AFAP1L1: variants seen among roughly 807,000 people sequenced by gnomAD.
AFAP1L1 encodes the protein actin filament-associated protein 1-like 1.
A neutral mutation model predicts 99.8 loss-of-function variants in AFAP1L1; 77 were observed. That is an observed-to-expected ratio of 0.77 (90% CI 0.64 to 0.93). AFAP1L1 has a LOEUF of 0.93. AFAP1L1 is among the 40% of genes least tolerant of loss of function. AFAP1L1 has a pLI of 0.00. For missense variants in AFAP1L1, 893 were observed against 996.8 expected, an observed-to-expected ratio of 0.90 and a Z score of 1.40; for synonymous variants, 373 against 395.3, an observed-to-expected ratio of 0.94 and a Z score of 0.67.
Position 149,271,993 on chromosome 5 carries a change from G to T in AFAP1L1, c.16+9G>T. 8.1e-7 allele frequency: 1 copy of T among 1,239,160 alleles called. No homozygotes were observed. 76.8% of individuals were successfully genotyped at this position (1,239,160 alleles called of 1,614,324 possible). ...CATGGACCGAGGCCAGGGTAAGAGGGGCCGCGACGCCCGCACTTGTTGCGG... is the reference window on the plus strand; with the variant it reads ...CATGGACCGAGGCCAGGGTAAGAGGTGCCGCGACGCCCGCACTTGTTGCGG... On this transcript the variant is annotated intron_variant, in intron 1 of 18. Transcript: ENST00000296721.
intron 1 of AFAP1L1, among the ~76,000 whole-genome samples, chr5:149,283,180 T>A (rs553181879): frequency 6.6e-6 from 1 of 152,348 alleles, no homozygotes; most frequent in Admixed American, 6.5e-5. Flanking sequence ...CCCGTTTGGC[T>A]TTCCACATGT....
At position 149,340,392 on chromosome 5, in the gene AFAP1L1, G is replaced by A. The variant is rs777304467; in HGVS notation, c.*362G>A. On this transcript the variant is annotated 3_prime_UTR_variant, in exon 19 of 19. Coordinates refer to ENST00000296721, the MANE Select transcript of AFAP1L1 (RefSeq NM_152406.4). ...CCCCTTCCATCCCATTCACAGCATC[G>A]CACTCCCAGTCCTTAAGGCAAAGGG... is the stretch of plus-strand genomic sequence containing the variant. 3 of 208,838 alleles carry A rather than the reference G, an allele frequency of 1.4e-5. No individual in the cohort carries two copies. The highest frequency in any genetic ancestry group is 9.8e-5 in the East Asian group (1 of 10,190). The allele number at this position is 208,838 out of a possible 1,614,324, so 12.9% of individuals were successfully genotyped here. A position where few individuals can be genotyped will look rare whatever the true frequency, so the allele number is the denominator to read the frequency against.
At chr5:149,300,834 T>A (rs928108504) in intron 3 of AFAP1L1, among the ~76,000 whole-genome samples, 5 of 152,208 alleles carry the variant, frequency 3.3e-5, no homozygotes, top group African/African-American at 9.6e-5. Context: ...TGGGGACTCA[T>A]AGACTTAGGG....
rs989716578 is a variant in AFAP1L1, at chr5:149,316,071, G to C, written c.1115-80G>C. ...GAGCTGCAGGCCCATCCTGTATGCA[G>C]GCTGAAAAGGCCACAAGGAAGACTA... On this transcript the variant is annotated intron_variant, in intron 10 of 18. Coordinates refer to ENST00000296721, the MANE Select transcript of AFAP1L1 (RefSeq NM_152406.4). 11 of 1,588,132 alleles carry C rather than the reference G, an allele frequency of 6.9e-6. No homozygotes were observed. The Admixed American group carries it at 1.5e-4, about 22-fold the overall frequency.
intron 8 of AFAP1L1, among the ~76,000 whole-genome samples, chr5:149,310,591 ATGAGCACT>A (rs1225068366): frequency 6.6e-6 from 1 of 152,226 alleles, no homozygotes; most frequent in Non-Finnish European, 1.5e-5. Context: ...TCACCACAAA[ATGAGCACT>A]TACTTTGTAC....
chr5:149,281,260 T>C (rs920223646), intron 1 of AFAP1L1, among the ~76,000 whole-genome samples: 1 of 152,192 alleles, frequency 6.6e-6, no homozygotes, highest in Admixed American at 6.5e-5. Context: ...TTCTTTTCTG[T>C]CGCATCTCTT....
At chr5:149,302,625 G>C (rs352341) in intron 5 of AFAP1L1, 99 bp downstream of exon 5, 863,408 of 1,016,848 alleles carry the variant, frequency 0.85, 367,929 homozygotes, top group Admixed American at 0.88. Flanking sequence ...CTGCAAGCCT[G>C]TCACCCTCCC....
In AFAP1L1 at chr5:149,342,602, G is replaced by C. The variant is rs1185920259; in HGVS notation, c.*2572G>C. On this transcript the variant is annotated 3_prime_UTR_variant, in exon 19 of 19. Transcript: ENST00000296721. Reference sequence around the variant, plus strand: ...AATGGCTAAGGCACAGATGCCACTTGTTCTTGGTTGTTAAAATGCCTTGTT... The same window carrying C: ...AATGGCTAAGGCACAGATGCCACTTCTTCTTGGTTGTTAAAATGCCTTGTT... Among the ~76,000 whole-genome samples, 2 of 152,218 alleles carry C rather than the reference G, an allele frequency of 1.3e-5. No homozygotes were observed. Among genetic ancestry groups the C allele is most frequent in the Admixed American group, 1.3e-4 (2 of 15,282 alleles).
intron 9 of AFAP1L1, among the ~76,000 whole-genome samples, chr5:149,314,134 G>A (rs1224309465): frequency 1.3e-5 from 2 of 152,202 alleles, no homozygotes; most frequent in African/African-American, 4.8e-5. Context: ...CAGAAGCAAA[G>A]GTATGGGATG....
intron 17 of AFAP1L1, 45 bp from the exon 18 acceptor site, chr5:149,335,549 C>G: frequency 6.3e-7 from 1 of 1,597,910 alleles, no homozygotes; most frequent in Non-Finnish European, 8.5e-7. Context: ...GTGTAGGTAG[C>G]CATCACCAGA....
At chr5:149,334,782 C>T (rs1757355364) in intron 17 of AFAP1L1, among the ~76,000 whole-genome samples, 1 of 152,050 alleles carries the variant, frequency 6.6e-6, no homozygotes, top group Admixed American at 6.6e-5. Flanking sequence ...CATGGTGGCA[C>T]ATGCCTGTCC....
At chr5:149,273,254 A>C (rs6879581) in intron 1 of AFAP1L1, among the ~76,000 whole-genome samples, 11,910 of 150,614 alleles carry the variant, frequency 0.079, 1,134 homozygotes, top group African/African-American at 0.23. Flanking sequence ...TGGAAAATTC[A>C]TTCCCCTCCC....
chr5:149,339,178 CTTTT>C (rs35468603), intron 18 of AFAP1L1, among the ~76,000 whole-genome samples: 2 of 126,132 alleles, frequency 1.6e-5, no homozygotes, highest in Admixed American at 7.9e-5. Context: ...CCCAATAAAG[CTTTT>C]TTTTTTTTTT....
intron 15 of AFAP1L1, among the ~76,000 whole-genome samples, chr5:149,325,114 G>A (rs1757058857): frequency 6.6e-6 from 1 of 152,088 alleles, no homozygotes. Context: ...AGCAGTAGCT[G>A]GTGAAATTTA....
chr5:149,319,831 T>C, intron 13 of AFAP1L1, 104 bp downstream of exon 13: 1 of 1,478,964 alleles, frequency 6.8e-7, no homozygotes, highest in East Asian at 2.4e-5. Context: ...AGGGAGGAGC[T>C]AAGGAAAGCT....
At chr5:149,329,615 C>T (rs1757192686) in intron 15 of AFAP1L1, 51 bp from the exon 16 acceptor site, 1 of 1,537,390 alleles carries the variant, frequency 6.5e-7, no homozygotes, top group Non-Finnish European at 8.7e-7. Context: ...ACACAAGTAC[C>T]TTTGCCAGAG....
At chr5:149,312,267 C>A in intron 9 of AFAP1L1, 63 bp downstream of exon 9, 1 of 1,513,174 alleles carries the variant, frequency 6.6e-7, no homozygotes, top group Non-Finnish European at 9.2e-7. Context: ...CGGGCTCAAC[C>A]CCAGGGGAAC....
chr5:149,336,472 G>A (rs1218445974), intron 18 of AFAP1L1, among the ~76,000 whole-genome samples: 1 of 152,204 alleles, frequency 6.6e-6, no homozygotes, highest in Non-Finnish European at 1.5e-5. Flanking sequence ...GCTTATAACA[G>A]AATACCTGAA....
At position 149,341,942 on chromosome 5, in the gene AFAP1L1, A is replaced by T. The variant is rs1194807685; in HGVS notation, c.*1912A>T. ...GTGTCTGTCATACTCTTTCTTATGC[A>T]GTTATTTTGGGGTTAAGTGTCTTTT... On this transcript the variant is annotated 3_prime_UTR_variant, in exon 19 of 19. Coordinates refer to ENST00000296721, the MANE Select transcript of AFAP1L1 (RefSeq NM_152406.4). 6.6e-6 allele frequency: 1 copy of T among 152,090 alleles called. No homozygotes were observed. Among genetic ancestry groups the T allele is most frequent in the East Asian group, 1.9e-4 (1 of 5,196 alleles). The allele number at this position is 152,090 out of a possible 1,614,324, so 9.4% of individuals were successfully genotyped here. A position where few individuals can be genotyped will look rare whatever the true frequency, so the allele number is the denominator to read the frequency against.
Sources: gnomAD v4.1 joint callset for allele counts (sites outside exome capture counted in the v4.1 genomes callset) on GRCh38, gnomAD v4.1.1 for gene constraint, MANE v1.5 for transcripts, NCBI Gene and HGNC (gene_info 2026-07-23, HGNC 2026-07-21) for gene names.